TBC1D31: variants seen among roughly 807,000 people sequenced by gnomAD.
The protein encoded by TBC1D31 is WD repeat domain 67.
TBC1D31 carries 99 observed loss-of-function variants against 132.9 expected under a neutral mutation model. The observed-to-expected ratio is 0.74, with a 90% CI of 0.63 to 0.88. The LOEUF (loss-of-function observed/expected upper bound fraction) is 0.88. Among genes scored for constraint, TBC1D31 ranks in the 40% least tolerant of loss-of-function variants. The pLI is 0.00. For missense variants in TBC1D31, 1,134 were observed against 1,256.6 expected (o/e 0.90, Z 1.48); for synonymous variants, 385 against 419.4 (o/e 0.92, Z 1.00).
chr8:123,150,025 T>G lies in TBC1D31; in HGVS notation c.2975-11T>G. Reference sequence around the variant, plus strand: ...CCAAACATCATCTTAATCTCCTCACTTTTATAACAGAAGAACCCAGGTTCC... The same window carrying G: ...CCAAACATCATCTTAATCTCCTCACGTTTATAACAGAAGAACCCAGGTTCC... On this transcript the variant is annotated splice_polypyrimidine_tract_variant and intron_variant, in intron 20 of 21. Transcript: ENST00000287380. 1 of 1,610,126 alleles carries G rather than the reference T, an allele frequency of 6.2e-7. No individual in the cohort carries two copies. Among genetic ancestry groups the G allele is most frequent in the Non-Finnish European group, 8.5e-7 (1 of 1,176,384 alleles).
At chr8:123,119,942 GA>G (rs1360388185) in intron 10 of TBC1D31, 112 bp from the exon 11 acceptor site, 1 of 866,190 alleles carries the variant, frequency 1.2e-6, no homozygotes, top group Non-Finnish European at 1.7e-6. Flanking sequence ...TGAACTAGAT[GA>G]TAGGGGTACA....
chr8:123,152,475 TCCTC>T (rs894712347), downstream of TBC1D31, among the ~76,000 whole-genome samples: 29 of 152,168 alleles, frequency 1.9e-4, no homozygotes, highest in Admixed American at 7.9e-4. Flanking sequence ...CGACTGCTCT[TCCTC>T]CCTCCCTCCA....
At chr8:123,099,374 C>T (rs907987703) in intron 6 of TBC1D31, among the ~76,000 whole-genome samples, 7 of 152,182 alleles carry the variant, frequency 4.6e-5, no homozygotes, top group African/African-American at 1.7e-4. Flanking sequence ...CCCGTGTCGG[C>T]CTCCCAAAGT....
intron 20 of TBC1D31, among the ~76,000 whole-genome samples, chr8:123,149,585 G>GGCACCACTAGT (rs1451894710): frequency 6.6e-6 from 1 of 152,188 alleles, no homozygotes; most frequent in African/African-American, 2.4e-5. Flanking sequence ...AAGTAGGGGA[G>GGCACCACTAGT]GCACCACTAG....
intron 7 of TBC1D31, chr8:123,103,818 A>G (rs1215655062): frequency 6.6e-6 from 1 of 152,224 alleles, no homozygotes; most frequent in African/African-American, 2.4e-5. Flanking sequence ...TGTTGAGCAA[A>G]TTGATATCAC....
chr8:123,118,699 C>T (rs1461099935), intron 10 of TBC1D31, among the ~76,000 whole-genome samples: 2 of 151,750 alleles, frequency 1.3e-5, no homozygotes, highest in African/African-American at 4.8e-5. Flanking sequence ...ATGTAATATA[C>T]AGTTTACAGT....
intron 11 of TBC1D31, among the ~76,000 whole-genome samples, chr8:123,122,669 A>G (rs1377391717): frequency 6.6e-6 from 1 of 152,222 alleles, no homozygotes; most frequent in Non-Finnish European, 1.5e-5. Context: ...TCTGAATTGT[A>G]TATTTAAAAA....
At position 123,082,516 on chromosome 8, in the gene TBC1D31, G is replaced by A; in HGVS notation, c.225-186G>A. 3 of 553,770 alleles carry A rather than the reference G, an allele frequency of 5.4e-6. No individual in the cohort carries two copies. The South Asian group carries it at 7.3e-5, about 14-fold the overall frequency. The allele number at this position is 553,770 out of a possible 1,614,324, so 34.3% of individuals were successfully genotyped here. ...TTCTGCTGTGCTAACACTTACAGTG[G>A]TTTCCTATTCTGATAACATCCAAAC... On this transcript the variant is annotated intron_variant, in intron 2 of 21. Coordinates refer to ENST00000287380, the MANE Select transcript of TBC1D31 (RefSeq NM_145647.4).
chr8:123,072,859 G>T lies in TBC1D31; in HGVS notation c.77+13G>T. On this transcript the variant is annotated intron_variant, in intron 1 of 21. Transcript: ENST00000287380. ...CCACGCGGGACGGGTAAAGGCCGTG[G>T]CGGGAGGGCGCGGGCTGTGGAGGGG... 1.3e-6 allele frequency: 2 copies of T among 1,554,664 alleles called. No individual in the cohort carries two copies. Among genetic ancestry groups the T allele is most frequent in the Non-Finnish European group, 1.7e-6 (2 of 1,149,152 alleles).
rs1273849624 is a variant in TBC1D31 at position 123,129,094 on chromosome 8, G to C, written c.2146G>C (p.Val716Leu). The change falls in exon 15 of 22, where the codon GTC (valine) becomes CTC (leucine). Residue 716 changes from valine to leucine, a missense_variant. By Grantham distance (32) the Val-to-Leu change is conservative. Transcript: ENST00000287380. ...GACAGTTGAAGATATGCAAGCTAAA[G>C]TCGACCAGCAAAGAGTTGAAGATGA... ...RQTVEDMQAK[V>L]DQQRVEDEAW... 6.2e-7 allele frequency: 1 copy of C among 1,605,780 alleles called. No individual in the cohort carries two copies. Among genetic ancestry groups the C allele is most frequent in the Non-Finnish European group, 8.5e-7 (1 of 1,174,758 alleles).
chr8:123,131,777 T>C (rs1438820119), intron 16 of TBC1D31, among the ~76,000 whole-genome samples: 1 of 152,102 alleles, frequency 6.6e-6, no homozygotes, highest in African/African-American at 2.4e-5. Flanking sequence ...TTTAAGTCTG[T>C]AAGAGTACCC....
chr8:123,154,051 C>T (rs1822929026), downstream of TBC1D31, among the ~76,000 whole-genome samples: 1 of 152,182 alleles, frequency 6.6e-6, no homozygotes. Context: ...TATGAATTCT[C>T]CCAGGTTGAG....
At chr8:123,157,223 A>G in the TBC1D31 span, among the ~76,000 whole-genome samples, 10 of 152,244 alleles carry the variant, frequency 6.6e-5, no homozygotes, top group South Asian at 4.1e-4. Flanking sequence ...AGCAAACAAA[A>G]TTATTGTGCC....
intron 4 of TBC1D31, among the ~76,000 whole-genome samples, chr8:123,086,732 T>A (rs1815795329): frequency 6.6e-6 from 1 of 151,418 alleles, no homozygotes; most frequent in South Asian, 2.1e-4. Flanking sequence ...TTTTTTTTTT[T>A]CCTTTGCAAC....
At chr8:123,146,353 G>T (rs1437723647) in intron 20 of TBC1D31, among the ~76,000 whole-genome samples, 4 of 152,046 alleles carry the variant, frequency 2.6e-5, no homozygotes, top group Non-Finnish European at 5.9e-5. Context: ...CAAGCCCCTG[G>T]CAGCTACTAA....
At chr8:123,073,785 A>G (rs1219429322) in intron 1 of TBC1D31, among the ~76,000 whole-genome samples, 1 of 151,566 alleles carries the variant, frequency 6.6e-6, no homozygotes, top group Non-Finnish European at 1.5e-5. Context: ...TCCCGAGTTA[A>G]AGCGATTCTC....
At chr8:123,112,057 T>C (rs1818497569) in intron 10 of TBC1D31, among the ~76,000 whole-genome samples, 3 of 152,296 alleles carry the variant, frequency 2.0e-5, no homozygotes, top group Middle Eastern at 3.4e-3. Flanking sequence ...AGTCTTACTA[T>C]GTGGCCCAGG....
chr8:123,157,263 G>T, the TBC1D31 span, among the ~76,000 whole-genome samples: 1 of 152,218 alleles, frequency 6.6e-6, no homozygotes, highest in African/African-American at 2.4e-5. Context: ...ACGACCTTCA[G>T]ATTATGAGAC....
rs188976473 is a variant in TBC1D31, at chr8:123,146,810, G to T, written c.2974+1955G>T. Among the ~76,000 whole-genome samples the T allele has an allele frequency of 9.9e-5, 15 of 151,502 alleles. No homozygotes were observed. In the East Asian group the frequency reaches 2.4e-3, roughly 24 times the overall value. ...AGAAATTCTCCTGCCTCAGCTTCCT[G>T]AGTCGCTGGGACTACAGGCGCATGC... On this transcript the variant is annotated intron_variant, in intron 20 of 21. Coordinates refer to ENST00000287380, the MANE Select transcript of TBC1D31 (RefSeq NM_145647.4).
Sources: gnomAD v4.1 joint callset for allele counts (sites outside exome capture counted in the v4.1 genomes callset) on GRCh38, gnomAD v4.1.1 for gene constraint, MANE v1.5 for transcripts, NCBI Gene and HGNC (gene_info 2026-07-23, HGNC 2026-07-21) for gene names.